The following SHLD2 variants were observed in gnomAD, a reference collection of about 807,000 sequenced individuals.
SHLD2 encodes the protein RINN1-REV7-interacting novel NHEJ regulator 2.
SHLD2 carries 30 observed loss-of-function variants against 73.2 expected under a neutral mutation model. The ratio of observed to expected loss-of-function variants is 0.41; its 90% confidence interval spans 0.31 to 0.56. The LOEUF (loss-of-function observed/expected upper bound fraction) is 0.56, where lower values mean the gene tolerates loss of function less well. Among genes scored for constraint, SHLD2 ranks in the 20% least tolerant of loss-of-function variants. The pLI is 0.28. For synonymous variants in SHLD2, 285 were observed against 370.1 expected, an observed-to-expected ratio of 0.77 and a Z score of 2.64; for missense variants, 745 against 1,055.9, an observed-to-expected ratio of 0.71 and a Z score of 4.08.
intron 2 of SHLD2, among the ~76,000 whole-genome samples, chr10:87,111,781 A>G (rs1169445885): frequency 1.3e-5 from 2 of 151,734 alleles, no homozygotes; most frequent in Non-Finnish European, 1.5e-5. Flanking sequence ...CCTGGCCAAA[A>G]TTAAAAACTT....
rs368234758 is a variant in SHLD2, at chr10:87,151,442, A to G, written c.88A>G (p.Met30Val). The G allele has an allele frequency of 6.0e-5, 97 of 1,609,146 alleles. No individual in the cohort carries two copies. The highest frequency in any genetic ancestry group is 7.7e-5 in the Non-Finnish European group (91 of 1,179,030). ...ITVSEDTASLMSVADPWKKIQ... is the reference protein window; with the variant it reads ...ITVSEDTASLVSVADPWKKIQ... Reference sequence around the variant, plus strand: ...AGTATCAGAAGACACAGCTTCTTTAATGTCTGTTGCTGACCCCTGGAAAAA... The same window carrying G: ...AGTATCAGAAGACACAGCTTCTTTAGTGTCTGTTGCTGACCCCTGGAAAAA... Residue 30 changes from methionine to valine, a missense_variant, in exon 3 of 10, where the codon ATG becomes GTG. Physicochemically the swap from Met to Val is conservative, Grantham distance 21. Around this residue, in one of 5 missense-constraint regions of SHLD2, gnomAD observed 280 missense variants for 353.9 expected, o/e 0.79. Transcript: ENST00000298786.
chr10:87,133,671 A>T (rs1333349300), intron 2 of SHLD2, among the ~76,000 whole-genome samples: 2 of 152,250 alleles, frequency 1.3e-5, no homozygotes, highest in Non-Finnish European at 2.9e-5. Flanking sequence ...GTGTACACAG[A>T]ACGATATAGC....
At chr10:87,166,796 C>T (rs914646198) in intron 4 of SHLD2, among the ~76,000 whole-genome samples, 12 of 152,222 alleles carry the variant, frequency 7.9e-5, no homozygotes, top group African/African-American at 2.6e-4. Flanking sequence ...AATAATTTGC[C>T]CTATCAGCTA....
chr10:87,154,750 G>A (rs1042403598), intron 3 of SHLD2, among the ~76,000 whole-genome samples: 2 of 152,002 alleles, frequency 1.3e-5, no homozygotes, highest in African/African-American at 4.8e-5. Context: ...ATTGACACAT[G>A]GTGTATTAGA....
chr10:87,097,598 G>C (rs1841988198), intron 2 of SHLD2, among the ~76,000 whole-genome samples: 1 of 151,966 alleles, frequency 6.6e-6, no homozygotes, highest in African/African-American at 2.4e-5. Flanking sequence ...TCTCAAAAAA[G>C]GAAAGGCAGA....
At chr10:87,131,387 C>T (rs1384241294) in intron 2 of SHLD2, among the ~76,000 whole-genome samples, 1 of 152,138 alleles carries the variant, frequency 6.6e-6, no homozygotes, top group Non-Finnish European at 1.5e-5. Flanking sequence ...CTCCCTCAGC[C>T]CCTGGAAGCC....
chr10:87,146,802 A>C (rs1383717852), intron 2 of SHLD2, among the ~76,000 whole-genome samples: 1 of 151,734 alleles, frequency 6.6e-6, no homozygotes, highest in East Asian at 2.0e-4. Context: ...CATGCCTCTA[A>C]TCTCAGCACT....
At chr10:87,183,941 G>T (rs1469620740) in intron 8 of SHLD2, among the ~76,000 whole-genome samples, 1 of 152,088 alleles carries the variant, frequency 6.6e-6, no homozygotes, top group Non-Finnish European at 1.5e-5. Context: ...CATTCTGCCT[G>T]GATGATCACA....
At chr10:87,163,997 A>C (rs1847014743) in intron 4 of SHLD2, among the ~76,000 whole-genome samples, 1 of 143,646 alleles carries the variant, frequency 7.0e-6, no homozygotes, top group African/African-American at 2.6e-5. Flanking sequence ...TTGTTCTGTC[A>C]CCCAGGCTGG....
chr10:87,107,520 C>T (rs1295727310), intron 2 of SHLD2, among the ~76,000 whole-genome samples: 1 of 152,182 alleles, frequency 6.6e-6, no homozygotes, highest in Admixed American at 6.5e-5. Flanking sequence ...AAAGAAGAAA[C>T]ATTTAAACTG....
intron 2 of SHLD2, among the ~76,000 whole-genome samples, chr10:87,099,525 G>A (rs1589413242): frequency 6.6e-6 from 1 of 152,130 alleles, no homozygotes; most frequent in South Asian, 2.1e-4. Flanking sequence ...CATAGTTTTT[G>A]TTGTATGACT....
At chr10:87,133,188 A>G (rs1844554973) in intron 2 of SHLD2, among the ~76,000 whole-genome samples, 1 of 152,096 alleles carries the variant, frequency 6.6e-6, no homozygotes, top group Non-Finnish European at 1.5e-5. Context: ...ATAATTTTTA[A>G]TTAATTTTAA....
intron 2 of SHLD2, among the ~76,000 whole-genome samples, chr10:87,139,356 C>T (rs1486526084): frequency 1.3e-5 from 2 of 152,076 alleles, no homozygotes; most frequent in African/African-American, 2.4e-5. Flanking sequence ...TAAAAGCCAG[C>T]ACCTAACAAT....
At chr10:87,097,313 C>G (rs1841962983) in intron 2 of SHLD2, among the ~76,000 whole-genome samples, 1 of 152,228 alleles carries the variant, frequency 6.6e-6, no homozygotes. Flanking sequence ...GTAATCCCAG[C>G]ACTTTAGGAG....
intron 9 of SHLD2, 101 bp downstream of exon 9, chr10:87,187,301 T>C: frequency 1.3e-6 from 1 of 770,194 alleles, no homozygotes; most frequent in South Asian, 1.5e-5. Context: ...AGCTTTTCTG[T>C]CCATATGAAA....
intron 2 of SHLD2, among the ~76,000 whole-genome samples, chr10:87,111,998 G>A (rs1842954785): frequency 6.6e-6 from 1 of 151,952 alleles, no homozygotes; most frequent in Non-Finnish European, 1.5e-5. Flanking sequence ...AGCACTTTGG[G>A]AGGCCAAGGT....
chr10:87,125,974 G>A (rs985952981), intron 2 of SHLD2, among the ~76,000 whole-genome samples: 1 of 152,012 alleles, frequency 6.6e-6, no homozygotes, highest in African/African-American at 2.4e-5. Context: ...AATTTTTTTG[G>A]TACCTAAAAT....
At chr10:87,183,828 CCTGT>C (rs1200624486) in intron 8 of SHLD2, among the ~76,000 whole-genome samples, 2 of 152,338 alleles carry the variant, frequency 1.3e-5, no homozygotes, top group South Asian at 2.1e-4. Context: ...TGCTTTCTAA[CCTGT>C]CTCTCAGGCC....
chr10:87,165,517 C>T (rs1390356691), intron 4 of SHLD2, among the ~76,000 whole-genome samples: 1 of 151,950 alleles, frequency 6.6e-6, no homozygotes, highest in African/African-American at 2.4e-5. Flanking sequence ...GTGGAATTGC[C>T]AAAAATGCAT....
Sources: gnomAD v4.1 joint callset for allele counts (sites outside exome capture counted in the v4.1 genomes callset) on GRCh38, gnomAD v4.1.1 for gene constraint, gnomAD v4.1.1 regional missense constraint, MANE v1.5 for transcripts, NCBI Gene and HGNC (gene_info 2026-07-23, HGNC 2026-07-21) for gene names.